The following STAG1 variants were observed in gnomAD, a reference collection of about 807,000 sequenced individuals.
The protein encoded by STAG1 is STAG1 cohesin complex component, also known as cohesin subunit SA-1.
STAG1 carries 26 observed loss-of-function variants against 170.9 expected under a neutral mutation model. That is an observed-to-expected ratio of 0.15 (90% CI 0.11 to 0.21). STAG1 has a LOEUF of 0.21. Among genes scored for constraint, STAG1 ranks in the 10% least tolerant of loss-of-function variants. STAG1 has a pLI of 1.00. For missense variants in STAG1, 964 were observed against 1,509.5 expected (o/e 0.64, Z 5.99); for synonymous variants, 514 against 497.7 (o/e 1.03, Z -0.44).
intron 9 of STAG1, among the ~76,000 whole-genome samples, chr3:136,498,233 T>TATATATATATATATACACAC: frequency 3.3e-4 from 19 of 57,482 alleles, no homozygotes; most frequent in South Asian, 5.9e-4. Context: ...TATATATATA[T>TATATATATATATATACACAC]ACACATACAT....
intron 1 of STAG1, among the ~76,000 whole-genome samples, chr3:136,677,420 TATATGAC>T (rs2107882616): frequency 6.6e-6 from 1 of 152,316 alleles, no homozygotes; most frequent in South Asian, 2.1e-4. Flanking sequence ...GAAATGTCAT[TATATGAC>T]ATATGACTAT....
chr3:136,729,577 T>G (rs1054597732), intron 1 of STAG1, among the ~76,000 whole-genome samples: 5 of 131,886 alleles, frequency 3.8e-5, no homozygotes, highest in Admixed American at 1.5e-4. Context: ...TTCCTTTTTT[T>G]TTTTTTTTTT....
intron 1 of STAG1, among the ~76,000 whole-genome samples, chr3:136,664,108 A>G (rs890324384): frequency 6.6e-6 from 1 of 152,166 alleles, no homozygotes; most frequent in Non-Finnish European, 1.5e-5. Flanking sequence ...AAGCCCAGGT[A>G]CTGGTCTAAA....
At chr3:136,505,362 T>C (rs34361206) in intron 7 of STAG1, among the ~76,000 whole-genome samples, 38 of 152,354 alleles carry the variant, frequency 2.5e-4, no homozygotes, top group South Asian at 4.1e-4. Context: ...TAGTGTCGTC[T>C]GCAAATGGGT....
chr3:136,352,134 G>T (rs954146854), intron 28 of STAG1, among the ~76,000 whole-genome samples: 11 of 151,896 alleles, frequency 7.2e-5, no homozygotes, highest in Admixed American at 3.3e-4. Context: ...TATTTCAAAA[G>T]ATATCATTTT....
chr3:136,748,795 C>T (rs1318638625), intron 1 of STAG1, among the ~76,000 whole-genome samples: 1 of 152,184 alleles, frequency 6.6e-6, no homozygotes, highest in East Asian at 1.9e-4. Flanking sequence ...CTCCCATTGC[C>T]TCCCTTCTTT....
intron 6 of STAG1, among the ~76,000 whole-genome samples, chr3:136,522,186 T>A (rs6771002): frequency 0.19 from 28,347 of 152,186 alleles, 3,050 homozygotes; most frequent in Non-Finnish European, 0.24. Context: ...TGTAGCTTTT[T>A]GTCCTTTCTA....
At position 136,553,728 on chromosome 3, in the gene STAG1, C is replaced by G. The variant is rs573838561; in HGVS notation, c.395-11533G>C. 3.9e-5 allele frequency among the ~76,000 whole-genome samples: 6 copies of G among 152,342 alleles called. No individual in the cohort carries two copies. The South Asian group carries it at 1.2e-3, about 32-fold the overall frequency. On this transcript the variant is annotated intron_variant, in intron 5 of 33. Transcript: ENST00000383202. ...GGCAGAGATTGCCGTGAGCCAAGAT[C>G]GCGCCACTGCGCTCCAGCCTGGCAA...
chr3:136,650,861 A>G (rs933185145), intron 1 of STAG1, among the ~76,000 whole-genome samples: 1 of 152,110 alleles, frequency 6.6e-6, no homozygotes, highest in African/African-American at 2.4e-5. Flanking sequence ...GGTGGCCTAA[A>G]AAAGTGTCAT....
chr3:136,728,377 G>A (rs763275601), intron 1 of STAG1, among the ~76,000 whole-genome samples: 3 of 152,050 alleles, frequency 2.0e-5, no homozygotes, highest in Admixed American at 6.6e-5. Context: ...GTGGGTATGG[G>A]GAAAATGATA....
intron 16 of STAG1, among the ~76,000 whole-genome samples, chr3:136,431,251 A>G (rs1474383473): frequency 1.3e-5 from 2 of 151,158 alleles, no homozygotes; most frequent in African/African-American, 2.4e-5. Context: ...TTATCACCTT[A>G]TGATATTCCT....
At chr3:136,622,320 G>T (rs1576679184) in intron 3 of STAG1, among the ~76,000 whole-genome samples, 1 of 151,222 alleles carries the variant, frequency 6.6e-6, no homozygotes, top group East Asian at 1.9e-4. Context: ...CTCGATCGGT[G>T]GGGGGGAAAG....
chr3:136,396,184 G>A (rs1050672003), intron 22 of STAG1, among the ~76,000 whole-genome samples: 1 of 149,590 alleles, frequency 6.7e-6, no homozygotes, highest in African/African-American at 2.5e-5. Flanking sequence ...TTACAGGCGT[G>A]AGCCGCCAGG....
At chr3:136,728,859 T>C (rs1933838785) in intron 1 of STAG1, among the ~76,000 whole-genome samples, 1 of 152,338 alleles carries the variant, frequency 6.6e-6, no homozygotes, top group South Asian at 2.1e-4. Context: ...AAAGCACTCC[T>C]AAACCCTAAG....
chr3:136,382,818 G>A (rs1182096595), intron 22 of STAG1, among the ~76,000 whole-genome samples: 1 of 152,144 alleles, frequency 6.6e-6, no homozygotes, highest in Non-Finnish European at 1.5e-5. Context: ...TTATTTGAGT[G>A]CTCAAGAAAG....
At chr3:136,541,116 G>A (rs1935881680) in intron 6 of STAG1, among the ~76,000 whole-genome samples, 1 of 151,958 alleles carries the variant, frequency 6.6e-6, no homozygotes, top group Non-Finnish European at 1.5e-5. Flanking sequence ...GTCACACACT[G>A]TTTGTCTTAA....
At chr3:136,752,028 C>CT (rs1228314590) in intron 1 of STAG1, among the ~76,000 whole-genome samples, 167 bp downstream of exon 1, 3 of 150,928 alleles carry the variant, frequency 2.0e-5, no homozygotes, top group Non-Finnish European at 4.4e-5. Flanking sequence ...CCCGCGCGGC[C>CT]TCCCTCCCCC....
chr3:136,642,682 G>C (rs373174761), intron 1 of STAG1, among the ~76,000 whole-genome samples: 18 of 152,282 alleles, frequency 1.2e-4, no homozygotes, highest in East Asian at 1.2e-3. Context: ...CAATTGCAAG[G>C]CTCTTCCCTT....
chr3:136,749,755 A>G (rs1935131161), intron 1 of STAG1, among the ~76,000 whole-genome samples: 1 of 151,864 alleles, frequency 6.6e-6, no homozygotes, highest in Non-Finnish European at 1.5e-5. Context: ...AAAAAAAAAA[A>G]AAAAGAAAAA....
Sources: gnomAD v4.1 joint callset for allele counts (sites outside exome capture counted in the v4.1 genomes callset) on GRCh38, gnomAD v4.1.1 for gene constraint, MANE v1.5 for transcripts, NCBI Gene and HGNC (gene_info 2026-07-23, HGNC 2026-07-21) for gene names.